Variants in MARCHF1 observed in about 807,000 individuals in gnomAD.
MARCHF1 encodes the protein membrane associated ring-CH-type finger 1.
Under a neutral mutation model 54.2 loss-of-function variants are expected in MARCHF1, and 40 were observed. The ratio of observed to expected loss-of-function variants is 0.74; its 90% confidence interval spans 0.57 to 0.96. MARCHF1 has a LOEUF of 0.96. Ranked by LOEUF, MARCHF1 falls within the 40% of genes least tolerant of loss-of-function variation. The probability of loss-of-function intolerance (pLI) is 0.00; values close to 1 mark genes in which losing one functional copy is unlikely to be tolerated. For synonymous variants in MARCHF1, 236 were observed against 236.3 expected (o/e 1.00, Z 0.01); for missense variants, 586 against 656.5 (o/e 0.89, Z 1.17).
chr4:163,751,139 G>A (rs942930428), intron 4 of MARCHF1, among the ~76,000 whole-genome samples: 4 of 20,594 alleles, frequency 1.9e-4, no homozygotes, highest in African/African-American at 3.4e-4. Context: ...CACTTTGTGT[G>A]TGTGTGTGTG....
At chr4:163,812,996 AG>A (rs1266561108) in intron 4 of MARCHF1, among the ~76,000 whole-genome samples, 1 of 152,208 alleles carries the variant, frequency 6.6e-6, no homozygotes, top group Non-Finnish European at 1.5e-5. Context: ...CAGAAGAGGT[AG>A]GGTATTATAG....
chr4:164,312,506 T>C (rs1734884157), intron 1 of MARCHF1, among the ~76,000 whole-genome samples: 1 of 151,728 alleles, frequency 6.6e-6, no homozygotes, highest in Non-Finnish European at 1.5e-5. Context: ...GTATATTTAG[T>C]AGAGACAGGG....
chr4:163,759,816 T>C (rs1746780434), intron 4 of MARCHF1, among the ~76,000 whole-genome samples: 1 of 152,220 alleles, frequency 6.6e-6, no homozygotes, highest in Non-Finnish European at 1.5e-5. Flanking sequence ...GTGAATTTCA[T>C]CTAACTGCAC....
chr4:164,099,475 G>C (rs973934456), intron 2 of MARCHF1, among the ~76,000 whole-genome samples: 7 of 152,176 alleles, frequency 4.6e-5, no homozygotes, highest in African/African-American at 1.4e-4. Context: ...ATCAGTTTGA[G>C]ATAAGCTCTA....
chr4:164,341,549 T>G (rs1371697456), intron 1 of MARCHF1, among the ~76,000 whole-genome samples: 4 of 152,248 alleles, frequency 2.6e-5, no homozygotes, highest in African/African-American at 9.6e-5. Flanking sequence ...TTTTACATAG[T>G]TATGGAAACT....
At chr4:164,084,972 T>A (rs193014244) in intron 2 of MARCHF1, among the ~76,000 whole-genome samples, 163 of 151,912 alleles carry the variant, frequency 1.1e-3, no homozygotes, top group African/African-American at 3.9e-3. Flanking sequence ...TAAATAAATT[T>A]GCTTTTTAAG....
At chr4:164,098,411 T>C (rs75447690) in intron 2 of MARCHF1, among the ~76,000 whole-genome samples, 1 of 152,188 alleles carries the variant, frequency 6.6e-6, no homozygotes, top group Non-Finnish European at 1.5e-5. Context: ...AGTGCTTGTT[T>C]GGAAGGACAA....
At chr4:164,227,145 G>T (rs1300181533) in intron 1 of MARCHF1, among the ~76,000 whole-genome samples, 6 of 152,054 alleles carry the variant, frequency 3.9e-5, no homozygotes. Flanking sequence ...ATAAAGAAAA[G>T]ACATTTAATT....
chr4:163,841,538 T>C (rs1362296106), intron 4 of MARCHF1, among the ~76,000 whole-genome samples: 20 of 152,126 alleles, frequency 1.3e-4, no homozygotes, highest in Non-Finnish European at 1.5e-5. Flanking sequence ...TTTCCAGGCT[T>C]TCATAATACA....
intron 3 of MARCHF1, among the ~76,000 whole-genome samples, chr4:163,897,783 G>A (rs1750843180): frequency 6.6e-6 from 1 of 152,030 alleles, no homozygotes; most frequent in Non-Finnish European, 1.5e-5. Flanking sequence ...GAGGCCAGGT[G>A]TGGTGGCTCA....
intron 5 of MARCHF1, among the ~76,000 whole-genome samples, chr4:163,662,493 T>C (rs1462937282): frequency 2.0e-5 from 3 of 152,058 alleles, no homozygotes; most frequent in Admixed American, 1.3e-4. Context: ...CTCTCATATT[T>C]GTAATATCCA....
intron 3 of MARCHF1, among the ~76,000 whole-genome samples, chr4:163,859,602 C>T (rs191949943): frequency 2.6e-4 from 39 of 152,192 alleles, no homozygotes; most frequent in Admixed American, 4.6e-4. Flanking sequence ...CTCAGGTGAT[C>T]CACCTGCTTC....
intron 1 of MARCHF1, among the ~76,000 whole-genome samples, chr4:164,187,026 C>T (rs1560944776): frequency 2.7e-5 from 4 of 147,800 alleles, no homozygotes; most frequent in Non-Finnish European, 6.0e-5. Flanking sequence ...CTGAAGCAAT[C>T]TTTTTTTTTT....
intron 4 of MARCHF1, among the ~76,000 whole-genome samples, chr4:163,834,160 C>T (rs1749110690): frequency 6.6e-6 from 1 of 152,018 alleles, no homozygotes; most frequent in African/African-American, 2.4e-5. Flanking sequence ...AGCACCTGAG[C>T]TAATTTCATG....
chr4:163,633,901 G>A (rs1240725229), intron 5 of MARCHF1, among the ~76,000 whole-genome samples: 1 of 152,192 alleles, frequency 6.6e-6, no homozygotes, highest in Non-Finnish European at 1.5e-5. Context: ...GGATCTCATG[G>A]CAGACACCCT....
intron 1 of MARCHF1, among the ~76,000 whole-genome samples, chr4:164,245,238 C>A (rs1441582880): frequency 2.0e-5 from 3 of 152,154 alleles, no homozygotes; most frequent in Non-Finnish European, 2.9e-5. Flanking sequence ...AATCCAGCAG[C>A]ACATCAAAAA....
intron 2 of MARCHF1, among the ~76,000 whole-genome samples, chr4:164,096,901 T>C (rs1755426458): frequency 6.6e-6 from 1 of 152,134 alleles, no homozygotes; most frequent in Non-Finnish European, 1.5e-5. Context: ...AGTGGTACTA[T>C]TTTACTATGC....
At chr4:164,292,331 G>A (rs6536806) in intron 1 of MARCHF1, among the ~76,000 whole-genome samples, 85,375 of 151,914 alleles carry the variant, frequency 0.56, 25,972 homozygotes, top group Non-Finnish European at 0.7. Flanking sequence ...AAATGGTTAT[G>A]CGTTTTTTTT....
chr4:164,059,759 G>A (rs1754574265), intron 2 of MARCHF1, among the ~76,000 whole-genome samples: 1 of 152,016 alleles, frequency 6.6e-6, no homozygotes, highest in African/African-American at 2.4e-5. Context: ...ACAATGTGAA[G>A]CACACAATTT....
Sources: allele counts gnomAD v4.1 joint callset (sites outside exome capture counted in the v4.1 genomes callset), GRCh38; gene constraint gnomAD v4.1.1; transcripts MANE v1.5; gene names NCBI Gene and HGNC (gene_info 2026-07-23, HGNC 2026-07-21).